The following TNC variants were observed in gnomAD, a reference collection of about 807,000 sequenced individuals.
The protein encoded by TNC is tenascin C, also known as tenascin.
Under a neutral mutation model 202.4 loss-of-function variants are expected in TNC, and 109 were observed. The ratio of observed to expected loss-of-function variants is 0.54; its 90% CI spans 0.46 to 0.63. The LOEUF (loss-of-function observed/expected upper bound fraction) is 0.63. Ranked by LOEUF, TNC falls within the 30% of genes least tolerant of loss-of-function variation. The pLI, the probability that TNC is intolerant of heterozygous loss-of-function variation, is 0.00. For missense variants in TNC, 2,756 were observed against 2,833.3 expected (o/e 0.97, Z 0.62); for synonymous variants, 1,007 against 1,089.7 (o/e 0.92, Z 1.50).
chr9:115,095,586 GTA>G (rs1238660746), intron 1 of TNC, among the ~76,000 whole-genome samples: 1 of 1,802 alleles, frequency 5.5e-4, no homozygotes, highest in African/African-American at 1.5e-3. Context: ...GTATATATAT[GTA>G]TATATATGTA....
intron 2 of TNC, 151 bp downstream of exon 2, chr9:115,090,411 A>C (rs1835129258): frequency 3.3e-6 from 2 of 612,226 alleles, no homozygotes; most frequent in South Asian, 5.5e-5. Flanking sequence ...CAGTCTCCAC[A>C]CTTATTTGAA....
chr9:115,027,579 A>C (rs1249761105), intron 25 of TNC, among the ~76,000 whole-genome samples: 1 of 152,112 alleles, frequency 6.6e-6, no homozygotes, highest in East Asian at 1.9e-4. Context: ...GACAGAGTGA[A>C]ACTCTGTCTA....
At chr9:115,075,204 GA>G (rs967079890) in intron 9 of TNC, among the ~76,000 whole-genome samples, 63 of 150,788 alleles carry the variant, frequency 4.2e-4, no homozygotes, top group Middle Eastern at 3.4e-3. Flanking sequence ...CAGAAAAATG[GA>G]AAAAAAAATC....
rs138401230 is a variant in TNC at position 115,028,141 on chromosome 9, T to C, written c.6169+1219A>G. Reference sequence around the variant, plus strand: ...CAAAATGTCTACAAATGTAATCATGTATCATGTTCTACATGGCTAATAGGG... The same window carrying C: ...CAAAATGTCTACAAATGTAATCATGCATCATGTTCTACATGGCTAATAGGG... On this transcript the variant is annotated intron_variant, in intron 25 of 27. Coordinates refer to ENST00000350763, the MANE Select transcript of TNC (RefSeq NM_002160.4). Among the ~76,000 whole-genome samples, 1,391 of 152,344 alleles carry C rather than the reference T, an allele frequency of 9.1e-3. 5 individuals are homozygous for C. The highest frequency in any genetic ancestry group is 0.012 in the Non-Finnish European group (838 of 68,036).
intron 1 of TNC, among the ~76,000 whole-genome samples, chr9:115,108,710 G>C (rs750740063): frequency 6.6e-6 from 1 of 152,220 alleles, no homozygotes; most frequent in Non-Finnish European, 1.5e-5. Flanking sequence ...AATCACCAGT[G>C]TGACAATATT....
rs1465278075 is a variant in TNC at position 115,036,257 on chromosome 9, A to G, written c.5513-16T>C. On this transcript the variant is annotated splice_polypyrimidine_tract_variant and intron_variant, in intron 20 of 27. Coordinates refer to ENST00000350763, the MANE Select transcript of TNC (RefSeq NM_002160.4). Reference sequence around the variant, plus strand: ...ATTTCTGGCACTAAACATGAAATACACATACCAAGGCAGTCACCTCTCACT... The same window carrying G: ...ATTTCTGGCACTAAACATGAAATACGCATACCAAGGCAGTCACCTCTCACT... 1.2e-6 allele frequency: 2 copies of G among 1,613,760 alleles called. No individual in the cohort carries two copies. Among genetic ancestry groups the G allele is most frequent in the South Asian group, 1.1e-5 (1 of 91,040 alleles).
In TNC at chr9:115,084,460, T is replaced by C. The variant is rs574925543; in HGVS notation, c.1880A>G (p.Lys627Arg). Residue 627 changes from lysine to arginine, a missense_variant, in exon 4 of 28, where the codon AAA becomes AGA. By Grantham distance (26) the Lys-to-Arg change is conservative. Coordinates refer to ENST00000350763, the MANE Select transcript of TNC (RefSeq NM_002160.4). The stretch of plus-strand genomic sequence containing the variant: ...CGTCACTTCTGTCACAACGAGGTCT[T>C]TGGGAGGAGACACTGGCAGGAATAA... ...GEDCSEVSPP[K>R]DLVVTEVTEE... 20 of 1,614,020 alleles carry C rather than the reference T, an allele frequency of 1.2e-5. 1 individual carries two copies. The South Asian group carries it at 2.2e-4, about 18-fold the overall frequency.
intron 17 of TNC, among the ~76,000 whole-genome samples, chr9:115,042,611 C>T (rs942714189): frequency 2.0e-5 from 3 of 152,130 alleles, no homozygotes; most frequent in East Asian, 1.9e-4. Flanking sequence ...TCCAAGGAAT[C>T]GTGGGAGAAT....
In TNC at chr9:115,090,978, G is replaced by A. The variant is rs1286845599; in HGVS notation, c.41C>T (p.Ala14Val). Reference sequence around the variant, plus strand: ...ACCTTCGGTAGCGAGGGCAAGGAAAGCAAGAAAGACACCTGCCAACAGCTG... The same window carrying A: ...ACCTTCGGTAGCGAGGGCAAGGAAAACAAGAAAGACACCTGCCAACAGCTG... ...MTQLLAGVFL[A>V]FLALATEGGV... The change falls in exon 2 of 28, where the codon GCT becomes GTT. Residue 14 changes from alanine (A) to valine (V), a missense_variant. By Grantham distance (64) the Ala-to-Val change is moderately conservative (BLOSUM62 0). Coordinates refer to ENST00000350763, the MANE Select transcript of TNC (RefSeq NM_002160.4). 1 of 1,613,584 alleles carries A rather than the reference G, an allele frequency of 6.2e-7. No homozygotes were observed.
At chr9:115,043,233 G>A (rs900002750) in intron 17 of TNC, among the ~76,000 whole-genome samples, 2 of 152,080 alleles carry the variant, frequency 1.3e-5, no homozygotes, top group Non-Finnish European at 2.9e-5. Flanking sequence ...AACCCACAGG[G>A]ATTATTACAT....
Position 115,059,876 on chromosome 9 carries a change from A to G in TNC, c.4160T>C (p.Val1387Ala), listed in dbSNP as rs755582220. ...FVIQVQEVNKVEAAQNLTLPG... is the reference protein window; with the variant it reads ...FVIQVQEVNKAEAAQNLTLPG... ...CAACGTGAGGTTCTGGGCTGCCTCC[A>G]CTTTGTTGACCTCCTGCACCTGAAT... Residue 1387 changes from valine to alanine, a missense_variant, in exon 14 of 28, where the codon GTG (valine) becomes GCG (alanine). By Grantham distance (64) the Val-to-Ala change is moderately conservative. Coordinates refer to ENST00000350763, the MANE Select transcript of TNC (RefSeq NM_002160.4). 1 of 1,614,066 alleles carries G rather than the reference A, an allele frequency of 6.2e-7. No homozygotes were observed. The highest frequency in any genetic ancestry group is 8.5e-7 in the Non-Finnish European group (1 of 1,180,016).
At chr9:115,037,105 GA>G (rs1205262619) in intron 20 of TNC, among the ~76,000 whole-genome samples, 1 of 152,066 alleles carries the variant, frequency 6.6e-6, no homozygotes, top group Non-Finnish European at 1.5e-5. Context: ...AGAGTAAAAA[GA>G]ATAAACCCAA....
chr9:115,079,708 G>C (rs950508838), intron 6 of TNC, among the ~76,000 whole-genome samples: 2 of 152,252 alleles, frequency 1.3e-5, no homozygotes, highest in East Asian at 1.9e-4. Context: ...TGTTGGATCT[G>C]GAGCTTAAAG....
At chr9:115,108,038 A>G (rs1228669087) in intron 1 of TNC, among the ~76,000 whole-genome samples, 1 of 152,200 alleles carries the variant, frequency 6.6e-6, no homozygotes, top group Non-Finnish European at 1.5e-5. Context: ...GGCTTCCAGA[A>G]TCTGCTGAGG....
chr9:115,034,277 C>T (rs1029599596), intron 22 of TNC, among the ~76,000 whole-genome samples: 1 of 152,184 alleles, frequency 6.6e-6, no homozygotes, highest in Non-Finnish European at 1.5e-5. Flanking sequence ...TTTGGGGGTC[C>T]CCCAAGAAAA....
chr9:115,076,166 A>C lies in TNC; in HGVS notation c.2861-45T>G, dbSNP rs370822276. 39 of 1,574,514 alleles carry C rather than the reference A, an allele frequency of 2.5e-5. No individual in the cohort carries two copies. In the African/African-American group the frequency reaches 5.0e-4, roughly 20 times the overall value. Reference sequence around the variant, plus strand: ...GTTGAGATTCATCCTGAAATCAGAGAGACTTTCAGAGGATGATAAAAATGG... The same window carrying C: ...GTTGAGATTCATCCTGAAATCAGAGCGACTTTCAGAGGATGATAAAAATGG... On this transcript the variant is annotated intron_variant, in intron 8 of 27. Transcript: ENST00000350763.
In TNC at chr9:115,048,361, A is replaced by C; in HGVS notation, c.4751T>G (p.Leu1584Arg). ...EFTLSGTQRK[L>R]ELRGLITGIG... The stretch of plus-strand genomic sequence containing the variant: ...GCCAGTTATGAGGCCTCTAAGCTCC[A>C]GCTTCCTCTGGGTTCCTGAAAGTGT... Residue 1584 changes from leucine (L) to arginine (R), a missense_variant, in exon 16 of 28, where the codon CTG becomes CGG. Leu to Arg is a moderately radical substitution (Grantham distance 102, BLOSUM62 -2). Around this residue, in one of 2 missense-constraint regions of TNC, gnomAD observed 2,559 missense variants for 2,546.0 expected, o/e 1.01. Coordinates refer to ENST00000350763, the MANE Select transcript of TNC (RefSeq NM_002160.4). The C allele has an allele frequency of 6.2e-7, 1 of 1,614,140 alleles. No homozygotes were observed. Among genetic ancestry groups the C allele is most frequent in the Non-Finnish European group, 8.5e-7 (1 of 1,179,982 alleles).
intron 22 of TNC, among the ~76,000 whole-genome samples, chr9:115,033,714 C>T (rs1363762797): frequency 1.3e-5 from 2 of 152,180 alleles, no homozygotes; most frequent in Non-Finnish European, 2.9e-5. Context: ...CTCATCTCTA[C>T]TTGCTTCTAA....
intron 7 of TNC, among the ~76,000 whole-genome samples, chr9:115,077,222 T>A (rs920362662): frequency 2.7e-5 from 4 of 149,098 alleles, no homozygotes; most frequent in African/African-American, 1.0e-4. Flanking sequence ...GCCTGGCTAA[T>A]TTTTTTTGTA....
Sources: gnomAD v4.1 joint callset for allele counts (sites outside exome capture counted in the v4.1 genomes callset) on GRCh38, gnomAD v4.1.1 for gene constraint, gnomAD v4.1.1 regional missense constraint, MANE v1.5 for transcripts, NCBI Gene and HGNC (gene_info 2026-07-23, HGNC 2026-07-21) for gene names.